Variants in ITGA9 observed in about 807,000 individuals in gnomAD.
ITGA9 encodes the protein integrin alpha-9.
In ITGA9, 56 loss-of-function variants were observed where a neutral mutation model predicts 127.8. The ratio of observed to expected loss-of-function variants is 0.44; its 90% CI spans 0.35 to 0.55. ITGA9 has a LOEUF of 0.55. ITGA9 is among the 20% of genes least tolerant of loss of function. The pLI, the probability that ITGA9 is intolerant of heterozygous loss-of-function variation, is 0.00. For missense variants in ITGA9, 1,196 were observed against 1,347.1 expected, an observed-to-expected ratio of 0.89 and a Z score of 1.76; for synonymous variants, 508 against 514.5, an observed-to-expected ratio of 0.99 and a Z score of 0.17.
intron 20 of ITGA9, among the ~76,000 whole-genome samples, chr3:37,737,810 G>A (rs1696381761): frequency 6.6e-6 from 1 of 152,152 alleles, no homozygotes; most frequent in East Asian, 1.9e-4. Context: ...AATAGTGCAA[G>A]GAACTCCTAT....
In ITGA9 at chr3:37,473,380, A is replaced by C. The variant is rs1559514885; in HGVS notation, c.340A>C (p.Lys114Gln). 3.1e-6 allele frequency: 5 copies of C among 1,614,108 alleles called. No homozygotes were observed. Among genetic ancestry groups the C allele is most frequent in the Non-Finnish European group, 2.5e-6 (3 of 1,180,002 alleles). Reference protein sequence around the residue: ...RGKNRGTSCGKTCREDRDDEW... With the variant: ...RGKNRGTSCGQTCREDRDDEW... Reference sequence around the variant, plus strand: ...GAAGAATCGGGGCACGTCCTGCGGAAAGACCTGCCGGGAAGACCGCGATGA... The same window carrying C: ...GAAGAATCGGGGCACGTCCTGCGGACAGACCTGCCGGGAAGACCGCGATGA... Residue 114 changes from lysine (K) to glutamine (Q), a missense_variant, in exon 3 of 28, where the codon AAG (lysine) becomes CAG (glutamine). Transcript: ENST00000264741.
At chr3:37,521,678 C>T (rs1009836415) in intron 11 of ITGA9, among the ~76,000 whole-genome samples, 5 of 152,350 alleles carry the variant, frequency 3.3e-5, no homozygotes, top group African/African-American at 7.2e-5. Flanking sequence ...ACCACCCCTT[C>T]GCTCTGCCCC....
At chr3:37,709,577 C>A (rs1413814597) in intron 18 of ITGA9, among the ~76,000 whole-genome samples, 2 of 152,226 alleles carry the variant, frequency 1.3e-5, no homozygotes, top group Non-Finnish European at 1.5e-5. Context: ...TGAGTGGCAG[C>A]ATTGCGGGAG....
chr3:37,624,766 C>G (rs1049605266), intron 15 of ITGA9, among the ~76,000 whole-genome samples: 3 of 151,940 alleles, frequency 2.0e-5, no homozygotes, highest in African/African-American at 7.3e-5. Context: ...TCCACCACGC[C>G]CGGCTAATTT....
At chr3:37,588,544 G>A (rs925206061) in intron 15 of ITGA9, among the ~76,000 whole-genome samples, 2 of 152,212 alleles carry the variant, frequency 1.3e-5, no homozygotes, top group African/African-American at 4.8e-5. Context: ...GGGCTGTTGG[G>A]GCAGGGATTT....
chr3:37,627,865 G>A (rs1269092792), intron 15 of ITGA9, among the ~76,000 whole-genome samples: 1 of 152,182 alleles, frequency 6.6e-6, no homozygotes, highest in Non-Finnish European at 1.5e-5. Context: ...TGCAGCATGA[G>A]ATGCCACCAT....
At chr3:37,558,306 G>GT (rs1315048157) in intron 15 of ITGA9, among the ~76,000 whole-genome samples, 5 of 152,166 alleles carry the variant, frequency 3.3e-5, no homozygotes, top group African/African-American at 1.2e-4. Flanking sequence ...ACCAGCATGT[G>GT]TTGAGTACCT....
At chr3:37,688,171 C>T (rs544299950) in intron 18 of ITGA9, among the ~76,000 whole-genome samples, 99 of 152,260 alleles carry the variant, frequency 6.5e-4, no homozygotes, top group African/African-American at 2.1e-3. Context: ...ATGTGGGAAG[C>T]CTTTGACCTG....
chr3:37,761,787 A>C (rs1465641697), intron 23 of ITGA9, among the ~76,000 whole-genome samples: 2 of 152,160 alleles, frequency 1.3e-5, no homozygotes, highest in Non-Finnish European at 2.9e-5. Flanking sequence ...GGATGTGGTA[A>C]AGAAGCCAGC....
chr3:37,468,041 AAC>A (rs1698390166), intron 1 of ITGA9, among the ~76,000 whole-genome samples: 1 of 152,146 alleles, frequency 6.6e-6, no homozygotes. Context: ...GGGCCAGCCA[AAC>A]TGCTCTTGTG....
chr3:37,513,727 C>T lies in ITGA9; in HGVS notation c.898-36C>T, dbSNP rs150322869. 1,461 of 1,613,756 alleles carry T rather than the reference C, an allele frequency of 9.1e-4. 13 individuals carry two copies. In the African/African-American group the frequency reaches 0.017, roughly 19 times the overall value. Reference sequence around the variant, plus strand: ...GAGGGCATCCTTGTGTGAGAGCAGACACTGAATGCTTTGTTGCAACTCAAC... The same window carrying T: ...GAGGGCATCCTTGTGTGAGAGCAGATACTGAATGCTTTGTTGCAACTCAAC... On this transcript the variant is annotated intron_variant, in intron 8 of 27. Coordinates refer to ENST00000264741, the MANE Select transcript of ITGA9 (RefSeq NM_002207.3).
intron 16 of ITGA9, 101 bp from the exon 17 acceptor site, chr3:37,653,613 A>AG: frequency 1.1e-6 from 1 of 896,152 alleles, no homozygotes; most frequent in Non-Finnish European, 1.9e-6. Flanking sequence ...TGAGGGGCTC[A>AG]GGGGAGGAAT....
At chr3:37,747,357 G>T (rs1391658477) in intron 22 of ITGA9, among the ~76,000 whole-genome samples, 1 of 151,832 alleles carries the variant, frequency 6.6e-6, no homozygotes, top group Non-Finnish European at 1.5e-5. Context: ...GTAAAATGGG[G>T]GTATCCATCC....
chr3:37,472,638 C>T (rs755529439), intron 2 of ITGA9, among the ~76,000 whole-genome samples: 3 of 152,196 alleles, frequency 2.0e-5, no homozygotes, highest in South Asian at 4.2e-4. Context: ...TCAAGTGAAC[C>T]GCCCACCTCA....
chr3:37,473,573 C>A, intron 3 of ITGA9, 113 bp downstream of exon 3: 1 of 662,116 alleles, frequency 1.5e-6, no homozygotes, highest in South Asian at 1.9e-5. Flanking sequence ...GTTGCTTATT[C>A]TGGACTACTG....
chr3:37,607,154 G>T (rs1289255405), intron 15 of ITGA9, among the ~76,000 whole-genome samples: 2 of 151,704 alleles, frequency 1.3e-5, no homozygotes, highest in African/African-American at 4.8e-5. Context: ...GGCTAATGTG[G>T]CTTCCTTTAT....
rs191362315 is a variant in ITGA9 at position 37,707,187 on chromosome 3, C to T, written c.2067+23172C>T. ...CCTTCTGCTTACAAAATGATTCATA[C>T]TGAAATTTTTAAAAAATTTCTTAAG... On this transcript the variant is annotated intron_variant, in intron 18 of 27. Transcript: ENST00000264741. 1.0e-4 allele frequency among the ~76,000 whole-genome samples: 13 copies of T among 128,988 alleles called. No homozygotes were observed. In the East Asian group the frequency reaches 2.4e-3, roughly 24 times the overall value. The allele number at this position is 128,988 out of a possible 152,430, so 84.6% of individuals were successfully genotyped here.
At chr3:37,578,117 G>A (rs1183547856) in intron 15 of ITGA9, among the ~76,000 whole-genome samples, 2 of 152,110 alleles carry the variant, frequency 1.3e-5, no homozygotes, top group Non-Finnish European at 2.9e-5. Flanking sequence ...GGGGGTGGGA[G>A]GCTGCAGTTG....
At chr3:37,621,279 T>G (rs558639914) in intron 15 of ITGA9, among the ~76,000 whole-genome samples, 53 of 152,334 alleles carry the variant, frequency 3.5e-4, no homozygotes, top group African/African-American at 1.1e-3. Flanking sequence ...CTCTTTTACT[T>G]TATAAATTAC....
Sources: gnomAD v4.1 joint callset for allele counts (sites outside exome capture counted in the v4.1 genomes callset) on GRCh38, gnomAD v4.1.1 for gene constraint, MANE v1.5 for transcripts, NCBI Gene and HGNC (gene_info 2026-07-23, HGNC 2026-07-21) for gene names.